The following NUDT3 variants were observed in gnomAD, a reference collection of about 807,000 sequenced individuals.
The protein encoded by NUDT3 is nudix hydrolase 3.
A neutral mutation model predicts 23.6 loss-of-function variants in NUDT3; 9 were observed. The ratio of observed to expected loss-of-function variants is 0.38; its 90% CI spans 0.23 to 0.66. The LOEUF (loss-of-function observed/expected upper bound fraction) is 0.66. Among genes scored for constraint, NUDT3 ranks in the 30% least tolerant of loss-of-function variants. The pLI is 0.52. For missense variants in NUDT3, 172 were observed against 218.5 expected, an observed-to-expected ratio of 0.79 and a Z score of 1.34; for synonymous variants, 86 against 82.6, an observed-to-expected ratio of 1.04 and a Z score of -0.22.
chr6:34,354,293 G>A (rs1306573821), intron 1 of NUDT3, among the ~76,000 whole-genome samples: 1 of 152,014 alleles, frequency 6.6e-6, no homozygotes, highest in Admixed American at 6.6e-5. Context: ...TTACAGGCAT[G>A]AGCCACTGGG....
At chr6:34,349,452 T>C (rs139614851) in intron 1 of NUDT3, among the ~76,000 whole-genome samples, 2 of 149,450 alleles carry the variant, frequency 1.3e-5, no homozygotes, top group South Asian at 4.3e-4. Context: ...CAGGGAGGAG[T>C]TGTGAAATCA....
At chr6:34,349,387 A>G (rs1764432055) in intron 1 of NUDT3, among the ~76,000 whole-genome samples, 1 of 151,288 alleles carries the variant, frequency 6.6e-6, no homozygotes, top group African/African-American at 2.5e-5. Flanking sequence ...GGCTGGGTCA[A>G]TGGTGTAGCA....
chr6:34,320,544 T>C (rs1019866741), intron 2 of NUDT3, among the ~76,000 whole-genome samples: 1 of 152,126 alleles, frequency 6.6e-6, no homozygotes, highest in Admixed American at 6.5e-5. Flanking sequence ...TTTAAAATGT[T>C]CACACTAGGC....
chr6:34,376,321 T>C (rs1347272404), intron 1 of NUDT3, among the ~76,000 whole-genome samples: 3 of 152,066 alleles, frequency 2.0e-5, no homozygotes, highest in African/African-American at 7.2e-5. Context: ...ATCATGCCAC[T>C]TGACCTCCCA....
At chr6:34,330,349 G>T (rs1764109016) in intron 2 of NUDT3, among the ~76,000 whole-genome samples, 1 of 152,142 alleles carries the variant, frequency 6.6e-6, no homozygotes. Context: ...ATTCTAACTG[G>T]TGTGAGATGG....
rs1030494550 is a variant in NUDT3, at chr6:34,280,756, A to G, written c.*7997T>C. On this transcript the variant is annotated 3_prime_UTR_variant, in exon 5 of 5. Coordinates refer to ENST00000607016, the MANE Select transcript of NUDT3 (RefSeq NM_006703.4). ...CTGGGTGGTCCTGATGGAAATGAACAGCAGCAGAGTTCTGGTGGGATAGAG... is the reference window on the plus strand; with the variant it reads ...CTGGGTGGTCCTGATGGAAATGAACGGCAGCAGAGTTCTGGTGGGATAGAG... 3 of 152,222 alleles carry G rather than the reference A, an allele frequency of 2.0e-5. No individual in the cohort carries two copies. Among genetic ancestry groups the G allele is most frequent in the African/African-American group, 7.2e-5 (3 of 41,458 alleles). 9.4% of individuals were successfully genotyped at this position (152,222 alleles called of 1,614,324 possible).
chr6:34,357,103 T>C (rs1404682017), intron 1 of NUDT3, among the ~76,000 whole-genome samples: 1 of 152,156 alleles, frequency 6.6e-6, no homozygotes, highest in East Asian at 1.9e-4. Flanking sequence ...TTAAAGACAG[T>C]ATTCTGTTTT....
chr6:34,288,630 G>C lies in NUDT3; in HGVS notation c.*123C>G. On this transcript the variant is annotated 3_prime_UTR_variant, in exon 5 of 5. Coordinates refer to ENST00000607016, the MANE Select transcript of NUDT3 (RefSeq NM_006703.4). ...AACATTATCAATACACCCTTTCTTTGCTGCCCACCATGCCTTATTTGAAAG... is the reference window on the plus strand; with the variant it reads ...AACATTATCAATACACCCTTTCTTTCCTGCCCACCATGCCTTATTTGAAAG... 9 of 1,311,258 alleles carry C rather than the reference G, an allele frequency of 6.9e-6. No homozygotes were observed. Among genetic ancestry groups the C allele is most frequent in the Non-Finnish European group, 9.3e-6 (9 of 969,084 alleles). The allele number at this position is 1,311,258 out of a possible 1,614,324, so 81.2% of individuals were successfully genotyped here. A position where few individuals can be genotyped will look rare whatever the true frequency, so the allele number is the denominator to read the frequency against.
At chr6:34,383,456 C>T (rs765194893) in intron 1 of NUDT3, among the ~76,000 whole-genome samples, 5 of 152,154 alleles carry the variant, frequency 3.3e-5, no homozygotes, top group Non-Finnish European at 5.9e-5. Flanking sequence ...GATGCAAACA[C>T]AGCTCACCAC....
chr6:34,378,852 C>T (rs1325637782), intron 1 of NUDT3, among the ~76,000 whole-genome samples: 1 of 152,210 alleles, frequency 6.6e-6, no homozygotes, highest in East Asian at 1.9e-4. Context: ...AAAAATCAAT[C>T]ATTCAATACA....
rs186900539 is a variant in NUDT3, at chr6:34,282,457, T to A, written c.*6296A>T. On this transcript the variant is annotated 3_prime_UTR_variant, in exon 5 of 5. Coordinates refer to ENST00000607016, the MANE Select transcript of NUDT3 (RefSeq NM_006703.4). ...GCATTGGCATTGAGGCATCTTGCTT[T>A]TTTTCCTCAGAATTCCACAAAGGCT... The A allele has an allele frequency of 3.0e-4, 46 of 152,296 alleles. No individual in the cohort carries two copies. The highest frequency in any genetic ancestry group is 1.0e-3 in the African/African-American group (43 of 41,550). 9.4% of individuals were successfully genotyped at this position (152,296 alleles called of 1,614,324 possible). A position where few individuals can be genotyped will look rare whatever the true frequency, so the allele number is the denominator to read the frequency against.
chr6:34,296,522 C>T (rs569362656), intron 2 of NUDT3, among the ~76,000 whole-genome samples: 3 of 142,262 alleles, frequency 2.1e-5, no homozygotes, highest in South Asian at 2.3e-4. Flanking sequence ...TGCAGTGAGC[C>T]GAGATCACAC....
At chr6:34,314,111 T>A (rs1479535690) in intron 2 of NUDT3, among the ~76,000 whole-genome samples, 3 of 145,042 alleles carry the variant, frequency 2.1e-5, no homozygotes, top group African/African-American at 5.1e-5. Context: ...AAAAAAAAAA[T>A]TCTGAGCATA....
intron 2 of NUDT3, among the ~76,000 whole-genome samples, chr6:34,333,525 G>A (rs151067140): frequency 2.2e-4 from 33 of 152,252 alleles, no homozygotes; most frequent in Non-Finnish European, 3.8e-4. Context: ...TAGGAGTGTC[G>A]GGGACGAAAG....
chr6:34,368,995 G>A (rs1349244111), intron 1 of NUDT3, among the ~76,000 whole-genome samples: 3 of 152,210 alleles, frequency 2.0e-5, no homozygotes, highest in Admixed American at 6.5e-5. Flanking sequence ...TGGATCTTGA[G>A]AAGCTTCCTC....
intron 2 of NUDT3, among the ~76,000 whole-genome samples, chr6:34,321,893 G>C (rs1581864431): frequency 6.6e-6 from 1 of 152,208 alleles, no homozygotes; most frequent in African/African-American, 2.4e-5. Context: ...AATGTGGCTA[G>C]TGTAACTAAG....
In NUDT3 at chr6:34,282,137, C is replaced by T. The variant is rs950115469; in HGVS notation, c.*6616G>A. On this transcript the variant is annotated 3_prime_UTR_variant, in exon 5 of 5. Coordinates refer to ENST00000607016, the MANE Select transcript of NUDT3 (RefSeq NM_006703.4). ...ACTGAGTAACCAAAGCTAGATATCC[C>T]TTGGACCACTGATTAGTGACACATT... The T allele has an allele frequency of 1.3e-5, 2 of 152,174 alleles. No homozygotes were observed. Among genetic ancestry groups the T allele is most frequent in the Non-Finnish European group, 2.9e-5 (2 of 68,036 alleles). 9.4% of individuals were successfully genotyped at this position (152,174 alleles called of 1,614,324 possible). A position where few individuals can be genotyped will look rare whatever the true frequency, so the allele number is the denominator to read the frequency against.
chr6:34,347,825 G>A (rs1348135531), intron 1 of NUDT3, among the ~76,000 whole-genome samples: 1 of 151,996 alleles, frequency 6.6e-6, no homozygotes, highest in East Asian at 1.9e-4. Flanking sequence ...GGATACCACA[G>A]TGATAATGAA....
At position 34,363,197 on chromosome 6, in the gene NUDT3, G is replaced by C. The variant is rs146437972; in HGVS notation, c.100-21225C>G. 5.3e-5 allele frequency among the ~76,000 whole-genome samples: 8 copies of C among 152,316 alleles called. No homozygotes were observed. The East Asian group carries it at 1.3e-3, about 26-fold the overall frequency. On this transcript the variant is annotated intron_variant, in intron 1 of 4. Coordinates refer to ENST00000607016, the MANE Select transcript of NUDT3 (RefSeq NM_006703.4). Reference sequence around the variant, plus strand: ...TAGCTGGTTTATGAACTGAGAGGTTGCATAATATGCTAACAGCTACGCCAA... The same window carrying C: ...TAGCTGGTTTATGAACTGAGAGGTTCCATAATATGCTAACAGCTACGCCAA...
Sources: allele counts gnomAD v4.1 joint callset (sites outside exome capture counted in the v4.1 genomes callset), GRCh38; gene constraint gnomAD v4.1.1; transcripts MANE v1.5; gene names NCBI Gene and HGNC (gene_info 2026-07-23, HGNC 2026-07-21).